The following CFAP70 variants were observed in gnomAD, a reference collection of about 807,000 sequenced individuals.
The protein encoded by CFAP70 is cilia- and flagella-associated protein 70.
In CFAP70, 81 loss-of-function variants were observed where a neutral mutation model predicts 137.6. The ratio of observed to expected loss-of-function variants is 0.59; its 90% CI spans 0.49 to 0.71. CFAP70 has a LOEUF of 0.71. Ranked by LOEUF, CFAP70 falls within the 30% of genes least tolerant of loss-of-function variation. The pLI, the probability that CFAP70 is intolerant of heterozygous loss-of-function variation, is 0.00. For missense variants in CFAP70, 976 were observed against 1,226.7 expected, an observed-to-expected ratio of 0.80 and a Z score of 3.05; for synonymous variants, 382 against 423.6, an observed-to-expected ratio of 0.90 and a Z score of 1.20.
At chr10:73,281,465 T>A (rs1286376150) in intron 19 of CFAP70, among the ~76,000 whole-genome samples, 1 of 151,986 alleles carries the variant, frequency 6.6e-6, no homozygotes, top group Non-Finnish European at 1.5e-5. Context: ...TATTTAGAAG[T>A]GTATATTTCC....
At chr10:73,313,233 G>A (rs76460719) in intron 9 of CFAP70, among the ~76,000 whole-genome samples, 1 of 152,054 alleles carries the variant, frequency 6.6e-6, no homozygotes, top group Non-Finnish European at 1.5e-5. Context: ...TTAGCCAGGC[G>A]TGGTGGCGGG....
intron 25 of CFAP70, 63 bp from the exon 27 acceptor site, chr10:73,256,479 AT>A: frequency 6.3e-7 from 1 of 1,587,522 alleles, no homozygotes. Flanking sequence ...AGGAAAATAC[AT>A]TGCCTCAGCT....
intron 3 of CFAP70, among the ~76,000 whole-genome samples, chr10:73,349,114 A>G (rs934146186): frequency 3.9e-5 from 6 of 152,064 alleles, no homozygotes; most frequent in African/African-American, 1.4e-4. Context: ...AAAGCTTCAT[A>G]TAATATTAAT....
intron 8 of CFAP70, among the ~76,000 whole-genome samples, chr10:73,324,540 G>A (rs1410205067): frequency 2.6e-5 from 4 of 152,166 alleles, no homozygotes; most frequent in African/African-American, 9.7e-5. Flanking sequence ...ACTACTCCGA[G>A]CTACAGGAGG....
chr10:73,307,496 G>A (rs1417681141), intron 12 of CFAP70, among the ~76,000 whole-genome samples: 1 of 152,110 alleles, frequency 6.6e-6, no homozygotes, highest in African/African-American at 2.4e-5. Flanking sequence ...TGTAAGGACA[G>A]GAGGAAGTCA....
chr10:73,353,583 C>T, exon 3 of CFAP70: 1 of 1,614,170 alleles, frequency 6.2e-7, no homozygotes, highest in Non-Finnish European at 8.5e-7. Context: ...GCGAGGTCAT[C>T]TGAAGTGATT....
At chr10:73,300,241 T>C (rs1298760585) in intron 12 of CFAP70, among the ~76,000 whole-genome samples, 2 of 152,184 alleles carry the variant, frequency 1.3e-5, no homozygotes, top group South Asian at 2.1e-4. Context: ...AACCTCTACC[T>C]TCTATTTTCA....
chr10:73,286,445 A>AAAAC (rs556349043), intron 19 of CFAP70, among the ~76,000 whole-genome samples: 95 of 152,268 alleles, frequency 6.2e-4, no homozygotes, highest in Admixed American at 5.2e-4. Context: ...CACCGTCTCA[A>AAAAC]AAACAAACAA....
chr10:73,289,967 C>A (rs546847345), intron 19 of CFAP70, among the ~76,000 whole-genome samples: 2 of 149,994 alleles, frequency 1.3e-5, no homozygotes, highest in Non-Finnish European at 2.9e-5. Flanking sequence ...ATTGCTTGAA[C>A]CTGGGAGGCA....
chr10:73,310,040 A>G (rs2049777987), intron 12 of CFAP70, 118 bp downstream of exon 13: 1 of 590,590 alleles, frequency 1.7e-6, no homozygotes, highest in Non-Finnish European at 2.9e-6. Context: ...CTTCATCTAG[A>G]AAAAAACCAG....
chr10:73,305,443 T>C (rs913148473), intron 12 of CFAP70, among the ~76,000 whole-genome samples: 3 of 152,302 alleles, frequency 2.0e-5, no homozygotes, highest in Non-Finnish European at 2.9e-5. Context: ...ATGCTTAAAG[T>C]TGACCAGAGA....
chr10:73,351,188 A>G (rs538363799), intron 3 of CFAP70, among the ~76,000 whole-genome samples: 319 of 135,140 alleles, frequency 2.4e-3, no homozygotes, highest in African/African-American at 7.9e-3. Flanking sequence ...GCGCAGTCTC[A>G]GCTCACTGCA....
At position 73,275,553 on chromosome 10, in the gene CFAP70, C is replaced by T; in HGVS notation, c.2566G>A (p.Gly856Ser). 1.2e-6 allele frequency: 2 copies of T among 1,611,072 alleles called. No individual in the cohort carries two copies. The highest frequency in any genetic ancestry group is 1.7e-6 in the Non-Finnish European group (2 of 1,178,864). ...ACCAAGTAATATTCACAGCTGGGGC[C>T]TCCTTGAGGGCATAACAGCTCATGT... The change falls in exon 22 of 27, where the codon GGC becomes AGC. Residue 856 changes from glycine (G) to serine (S), a missense_variant. Physicochemically the swap from Gly to Ser is moderately conservative, Grantham distance 56 (BLOSUM62 0). Transcript: ENST00000310715. The surrounding 1 kb of genome is among the most constrained non-coding windows in gnomAD (Gnocchi z 4.0).
chr10:73,336,865 C>T (rs923803155), intron 6 of CFAP70, among the ~76,000 whole-genome samples: 10 of 151,948 alleles, frequency 6.6e-5, no homozygotes, highest in Admixed American at 3.9e-4. Context: ...CATGAGCCAC[C>T]GCGCCCGGCC....
chr10:73,310,813 T>C (rs1410779820), intron 11 of CFAP70, among the ~76,000 whole-genome samples: 2 of 152,164 alleles, frequency 1.3e-5, no homozygotes, highest in African/African-American at 4.8e-5. Flanking sequence ...CAACCTGAGT[T>C]ATCCTTAACT....
chr10:73,336,651 TCG>T (rs2052700997), intron 6 of CFAP70, among the ~76,000 whole-genome samples: 1 of 148,030 alleles, frequency 6.8e-6, no homozygotes, highest in Non-Finnish European at 1.5e-5. Flanking sequence ...TGGCGCGATC[TCG>T]GCTCACTGCA....
chr10:73,355,780 CA>C (rs1221478277), intron 1 of CFAP70, among the ~76,000 whole-genome samples: 1 of 151,830 alleles, frequency 6.6e-6, no homozygotes, highest in African/African-American at 2.4e-5. Flanking sequence ...CGTCTCAAAA[CA>C]AAAAAATTTC....
intron 9 of CFAP70, among the ~76,000 whole-genome samples, chr10:73,312,845 T>C (rs2050030121): frequency 6.6e-6 from 1 of 152,240 alleles, no homozygotes; most frequent in African/African-American, 2.4e-5. Flanking sequence ...TTGCCTACTC[T>C]ACCATTTAAA....
At chr10:73,263,752 G>A (rs2045496500) in intron 25 of CFAP70, among the ~76,000 whole-genome samples, 1 of 152,120 alleles carries the variant, frequency 6.6e-6, no homozygotes, top group Non-Finnish European at 1.5e-5. Flanking sequence ...TAATTAATAA[G>A]TATCTTGTGG....
Sources: allele counts gnomAD v4.1 joint callset (sites outside exome capture counted in the v4.1 genomes callset), GRCh38; gene constraint gnomAD v4.1.1; non-coding constraint Gnocchi (gnomAD v3.1); transcripts MANE v1.5; gene names NCBI Gene and HGNC (gene_info 2026-07-23, HGNC 2026-07-21).